DPYSL5: variants seen among roughly 807,000 people sequenced by gnomAD.
The protein encoded by DPYSL5 is dihydropyrimidinase like 5, also known as dihydropyrimidinase-related protein 5.
DPYSL5 carries 9 observed loss-of-function variants against 58.4 expected under a neutral mutation model. The observed-to-expected ratio is 0.15, with a 90% CI of 0.09 to 0.27. The LOEUF is 0.27. DPYSL5 is among the 10% of genes least tolerant of loss of function. The pLI, the probability that DPYSL5 is intolerant of heterozygous loss-of-function variation, is 1.00. For synonymous variants in DPYSL5, 293 were observed against 301.9 expected, an observed-to-expected ratio of 0.97 and a Z score of 0.31; for missense variants, 499 against 770.6, an observed-to-expected ratio of 0.65 and a Z score of 4.17.
rs1200768928 is a variant in DPYSL5 at position 26,898,462 on chromosome 2, G to C, written c.-4-34G>C. 5.6e-6 allele frequency: 9 copies of C among 1,603,788 alleles called. No individual in the cohort carries two copies. The highest frequency in any genetic ancestry group is 1.7e-5 in the Admixed American group (1 of 59,602). On this transcript the variant is annotated intron_variant, in intron 1 of 12. Transcript: ENST00000288699. The surrounding 1 kb of genome is among the most constrained non-coding windows in gnomAD (Gnocchi z 6.1). ...TGGGAAACTGGAAACAGTGAGAAGG[G>C]ACTTTGACCTTGACCATGCTCACCT...
Position 26,944,618 on chromosome 2 carries a change from T to C in DPYSL5, c.1441-38T>C. On this transcript the variant is annotated intron_variant, in intron 11 of 12. Coordinates refer to ENST00000288699, the MANE Select transcript of DPYSL5 (RefSeq NM_020134.4). The surrounding 1 kb of genome is among the most constrained non-coding windows in gnomAD (Gnocchi z 4.4). ...GTTGTATCACTCAGCTCTGATGGTG[T>C]TGTCCTGTTCTTCTGCTCTTCTTCC... 1.2e-6 allele frequency: 2 copies of C among 1,604,038 alleles called. No homozygotes were observed. The highest frequency in any genetic ancestry group is 1.7e-6 in the Non-Finnish European group (2 of 1,174,210).
Position 26,898,799 on chromosome 2 carries a change from CT to C in DPYSL5, c.261+45del. ...TTGCCAAAGGTGGCTTCCTCTTTGG[CT>C]TTTTTATTCTGCTTCTAGGGCTGCT... On this transcript the variant is annotated intron_variant, in intron 2 of 12. Coordinates refer to ENST00000288699, the MANE Select transcript of DPYSL5 (RefSeq NM_020134.4). The surrounding 1 kb of genome is among the most constrained non-coding windows in gnomAD (Gnocchi z 6.1). 2.5e-6 allele frequency: 4 copies of C among 1,568,904 alleles called. No individual in the cohort carries two copies. Among genetic ancestry groups the C allele is most frequent in the Non-Finnish European group, 2.6e-6 (3 of 1,155,450 alleles).
At position 26,924,859 on chromosome 2, in the gene DPYSL5, A is replaced by T. The variant is rs867392761; in HGVS notation, c.262-28A>T. ...TGACTCGGGGGCAGGCAGGGCTGTG[A>T]CGAGACTGCCTTTTCCCGTCTTCCC... On this transcript the variant is annotated intron_variant, in intron 2 of 12. Transcript: ENST00000288699. This position sits in a 1 kb window ranked among gnomAD's most constrained non-coding sequence, Gnocchi z 4.7. The T allele has an allele frequency of 1.0e-5, 16 of 1,607,156 alleles. No individual in the cohort carries two copies. The Middle Eastern group carries it at 2.7e-3, about 267-fold the overall frequency.
rs950637506 is a variant in DPYSL5 at position 26,933,527 on chromosome 2, T to A, written c.790+194T>A. 2.0e-5 allele frequency among the ~76,000 whole-genome samples: 3 copies of A among 152,224 alleles called. No homozygotes were observed. Among genetic ancestry groups the A allele is most frequent in the Non-Finnish European group, 4.4e-5 (3 of 68,040 alleles). On this transcript the variant is annotated intron_variant, in intron 7 of 12. Coordinates refer to ENST00000288699, the MANE Select transcript of DPYSL5 (RefSeq NM_020134.4). The surrounding 1 kb of genome is among the most constrained non-coding windows in gnomAD (Gnocchi z 4.2). Reference sequence around the variant, plus strand: ...GGCTTTAGTCTGCTAGAACATGAGCTTTTTCTTCTGCAAATTTGTATGCAT... The same window carrying A: ...GGCTTTAGTCTGCTAGAACATGAGCATTTTCTTCTGCAAATTTGTATGCAT...
Position 26,933,070 on chromosome 2 carries a change from T to C in DPYSL5, c.715-188T>C, listed in dbSNP as rs1665075673. On this transcript the variant is annotated intron_variant, in intron 6 of 12. Coordinates refer to ENST00000288699, the MANE Select transcript of DPYSL5 (RefSeq NM_020134.4). The surrounding 1 kb of genome is among the most constrained non-coding windows in gnomAD (Gnocchi z 4.2). ...GGCTGTTCTCTGCCTCCCCGTATCA[T>C]GCAGTTCCTGCAACCTTGCCCTGAC... 6.6e-6 allele frequency among the ~76,000 whole-genome samples: 1 copy of C among 152,236 alleles called. No individual in the cohort carries two copies. The highest frequency in any genetic ancestry group is 2.4e-5 in the African/African-American group (1 of 41,470).
chr2:26,902,838 A>G (rs973323134), intron 2 of DPYSL5, among the ~76,000 whole-genome samples: 7 of 152,210 alleles, frequency 4.6e-5, no homozygotes, highest in Admixed American at 4.6e-4. Context: ...GAGGGCCACA[A>G]GAAGTGACCC....
intron 8 of DPYSL5, among the ~76,000 whole-genome samples, chr2:26,936,173 A>G (rs551887012): frequency 6.6e-6 from 1 of 151,944 alleles, no homozygotes; most frequent in East Asian, 1.9e-4. Flanking sequence ...GAATGCCAGG[A>G]CTCTCCATCC....
At chr2:26,860,111 A>G (rs1196080971) in intron 1 of DPYSL5, among the ~76,000 whole-genome samples, 1 of 152,220 alleles carries the variant, frequency 6.6e-6, no homozygotes, top group Non-Finnish European at 1.5e-5. Context: ...ACAGGCTTCT[A>G]GAGGACTAAA....
intron 1 of DPYSL5, among the ~76,000 whole-genome samples, chr2:26,868,999 G>A (rs757775748): frequency 1.1e-4 from 16 of 152,078 alleles, no homozygotes; most frequent in Non-Finnish European, 1.8e-4. Flanking sequence ...GGGTCTTGCT[G>A]TCTTGCCCAG....
chr2:26,850,038 G>A (rs923515941), intron 1 of DPYSL5, among the ~76,000 whole-genome samples: 17 of 152,226 alleles, frequency 1.1e-4, no homozygotes, highest in Non-Finnish European at 1.5e-5. Context: ...CAGCGGCTTT[G>A]TCTGCCGAGG....
In DPYSL5 at chr2:26,947,183, CT is replaced by C; in HGVS notation, c.*191del. On this transcript the variant is annotated 3_prime_UTR_variant, in exon 13 of 13. Coordinates refer to ENST00000288699, the MANE Select transcript of DPYSL5 (RefSeq NM_020134.4). This position sits in a 1 kb window ranked among gnomAD's most constrained non-coding sequence, Gnocchi z 4.2. ...TGCTTCGAGCCAACTCTAACAGGCA[CT>C]TTGAGATGTGTTCCTCCTGCTGTAG... 1 of 572,282 alleles carries C rather than the reference CT, an allele frequency of 1.7e-6. No homozygotes were observed. 35.5% of individuals were successfully genotyped at this position (572,282 alleles called of 1,614,324 possible).
Position 26,942,520 on chromosome 2 carries a change from TC to T in DPYSL5, c.1233-20del. ...TTTGACCTGTCCTCAGCGCTTTCTC[TC>T]CCGCCATTGCCTCCCCACCAGGACC... On this transcript the variant is annotated intron_variant, in intron 10 of 12. Transcript: ENST00000288699. This position sits in a 1 kb window ranked among gnomAD's most constrained non-coding sequence, Gnocchi z 5.9. The T allele has an allele frequency of 6.2e-7, 1 of 1,607,544 alleles. No homozygotes were observed. Among genetic ancestry groups the T allele is most frequent in the Non-Finnish European group, 8.5e-7 (1 of 1,176,884 alleles).
chr2:26,915,857 A>C (rs1012968353), intron 2 of DPYSL5, among the ~76,000 whole-genome samples: 3 of 152,072 alleles, frequency 2.0e-5, no homozygotes, highest in African/African-American at 7.2e-5. Flanking sequence ...CCCTCTCCTG[A>C]ATGAATGGGA....
chr2:26,879,476 A>G (rs979516136), intron 1 of DPYSL5, among the ~76,000 whole-genome samples: 1 of 151,748 alleles, frequency 6.6e-6, no homozygotes, highest in Non-Finnish European at 1.5e-5. Context: ...AAAAAAAAAA[A>G]AAAAAGCCCA....
intron 6 of DPYSL5, among the ~76,000 whole-genome samples, 171 bp downstream of exon 6, chr2:26,931,855 A>G (rs1664997927): frequency 6.6e-6 from 1 of 151,572 alleles, no homozygotes; most frequent in African/African-American, 2.4e-5. Context: ...TAAAAATACA[A>G]AAATTAGCTG....
Position 26,940,097 on chromosome 2 carries a change from G to A in DPYSL5, c.1014G>A (p.Lys338=). The A allele has an allele frequency of 6.2e-7, 1 of 1,614,236 alleles. No individual in the cohort carries two copies. Among genetic ancestry groups the A allele is most frequent in the Non-Finnish European group, 8.5e-7 (1 of 1,180,048 alleles). ...PFTTKQKAMG[K]EDFTKIPHGV... ...CCACAAAGCAGAAAGCTATGGGCAA[G>A]GAAGACTTCACCAAGATCCCACATG... The change falls in exon 9 of 13, where the codon AAG becomes AAA. Residue 338 remains lysine, a synonymous_variant. Coordinates refer to ENST00000288699, the MANE Select transcript of DPYSL5 (RefSeq NM_020134.4).
chr2:26,885,072 A>G lies in DPYSL5; in HGVS notation c.-4-13424A>G, dbSNP rs112745592. ...AAATCAGCTGGGCGTGGTGGCAGGTACCTGTAATCCCAGCTACTCGGGAGG... is the reference window on the plus strand; with the variant it reads ...AAATCAGCTGGGCGTGGTGGCAGGTGCCTGTAATCCCAGCTACTCGGGAGG... On this transcript the variant is annotated intron_variant, in intron 1 of 12. Coordinates refer to ENST00000288699, the MANE Select transcript of DPYSL5 (RefSeq NM_020134.4). Among the ~76,000 whole-genome samples, 729 of 151,982 alleles carry G rather than the reference A, an allele frequency of 4.8e-3. 6 individuals carry two copies. Among genetic ancestry groups the G allele is most frequent in the African/African-American group, 0.017 (703 of 41,434 alleles).
chr2:26,937,234 G>T (rs1665202897), intron 8 of DPYSL5, among the ~76,000 whole-genome samples: 1 of 151,972 alleles, frequency 6.6e-6, no homozygotes, highest in East Asian at 1.9e-4. Context: ...AGCTTACTTT[G>T]TCAAATGTAT....
At position 26,931,698 on chromosome 2, in the gene DPYSL5, T is replaced by G. The variant is rs771627088; in HGVS notation, c.714+14T>G. On this transcript the variant is annotated intron_variant, in intron 6 of 12. Transcript: ENST00000288699. ...ATTGCAAACAGGGTAAGTCCCCCGA[T>G]GTCCACTGTGGGATTAGAAACCAAC... is the stretch of plus-strand genomic sequence containing the variant. The G allele has an allele frequency of 6.2e-7, 1 of 1,613,766 alleles. No homozygotes were observed. Among genetic ancestry groups the G allele is most frequent in the South Asian group, 1.1e-5 (1 of 91,064 alleles).
Sources: gnomAD v4.1 joint callset for allele counts (sites outside exome capture counted in the v4.1 genomes callset) on GRCh38, gnomAD v4.1.1 for gene constraint, Gnocchi (gnomAD v3.1) non-coding constraint, MANE v1.5 for transcripts, NCBI Gene and HGNC (gene_info 2026-07-23, HGNC 2026-07-21) for gene names.